SORCS2: variants seen among roughly 807,000 people sequenced by gnomAD.
SORCS2 encodes sortilin related VPS10 domain containing receptor 2, also known as VPS10 domain-containing receptor SorCS2.
SORCS2 carries 100 observed loss-of-function variants against 141.6 expected under a neutral mutation model. The observed-to-expected ratio is 0.71, with a 90% confidence interval of 0.60 to 0.83. The LOEUF is 0.83. Ranked by LOEUF, SORCS2 falls within the 40% of genes least tolerant of loss-of-function variation. The pLI, the probability that SORCS2 is intolerant of heterozygous loss-of-function variation, is 0.00. For synonymous variants in SORCS2, 789 were observed against 676.9 expected, an observed-to-expected ratio of 1.17 and a Z score of -2.57; for missense variants, 1,646 against 1,560.2, an observed-to-expected ratio of 1.05 and a Z score of -0.93.
intron 23 of SORCS2, among the ~76,000 whole-genome samples, chr4:7,730,353 T>C (rs1711566123): frequency 6.6e-6 from 1 of 152,212 alleles, no homozygotes; most frequent in Admixed American, 6.5e-5. Context: ...CAAAACGGGC[T>C]GGAAATTCCT....
intron 1 of SORCS2, among the ~76,000 whole-genome samples, chr4:7,211,088 A>G (rs1401958849): frequency 6.6e-6 from 1 of 152,138 alleles, no homozygotes; most frequent in African/African-American, 2.4e-5. Flanking sequence ...GCATTTTTGC[A>G]TTTTTTTCTT....
At chr4:7,341,184 A>G (rs908971614) in intron 1 of SORCS2, among the ~76,000 whole-genome samples, 1 of 152,244 alleles carries the variant, frequency 6.6e-6, no homozygotes, top group South Asian at 2.1e-4. Flanking sequence ...GGATGGAAGC[A>G]TATCAGTGGT....
chr4:7,717,035 C>T (rs1336427572), intron 17 of SORCS2, among the ~76,000 whole-genome samples: 2 of 152,234 alleles, frequency 1.3e-5, no homozygotes, highest in Non-Finnish European at 2.9e-5. Context: ...ACAGGTACCC[C>T]CAGCACCTTG....
chr4:7,295,872 A>G (rs770625690), intron 1 of SORCS2, among the ~76,000 whole-genome samples: 38 of 152,328 alleles, frequency 2.5e-4, no homozygotes, highest in Non-Finnish European at 4.6e-4. Flanking sequence ...CCCAGCACAC[A>G]GTAGGTGATC....
chr4:7,261,302 G>A (rs80261835), intron 1 of SORCS2, among the ~76,000 whole-genome samples: 8 of 152,200 alleles, frequency 5.3e-5, no homozygotes, highest in African/African-American at 1.9e-4. Flanking sequence ...GGGAAGAGAC[G>A]GGTCTCCCAG....
intron 14 of SORCS2, among the ~76,000 whole-genome samples, chr4:7,708,775 G>A (rs11941886): frequency 0.37 from 56,844 of 152,072 alleles, 10,830 homozygotes; most frequent in East Asian, 0.49. Context: ...TTATTCCTCC[G>A]TTTTTAGAGG....
intron 1 of SORCS2, among the ~76,000 whole-genome samples, chr4:7,290,669 G>C (rs1252988373): frequency 6.6e-6 from 1 of 152,200 alleles, no homozygotes; most frequent in Non-Finnish European, 1.5e-5. Context: ...CCTCATCCAT[G>C]TATGCACACA....
At chr4:7,271,862 G>C (rs534628434) in intron 1 of SORCS2, among the ~76,000 whole-genome samples, 1 of 152,350 alleles carries the variant, frequency 6.6e-6, no homozygotes, top group South Asian at 2.1e-4. Context: ...GGAAGGATGG[G>C]CCCTGGATGG....
chr4:7,715,242 A>G lies in SORCS2; in HGVS notation c.2183A>G (p.Asn728Ser). 1.2e-6 allele frequency: 2 copies of G among 1,613,902 alleles called. No homozygotes were observed. Among genetic ancestry groups the G allele is most frequent in the Admixed American group, 1.7e-5 (1 of 60,024 alleles). Residue 728 changes from asparagine to serine, a missense_variant, in exon 17 of 27, where the codon AAC becomes AGC. By Grantham distance (46) the Asn-to-Ser change is conservative. Transcript: ENST00000507866. ...SESSTNKCSA[N>S]FWFNPLSPPD... ...TCCAGCACCAACAAGTGCTCTGCCA[A>G]CTTCTGGTTTAACCCATTGTCCCCG... is the stretch of plus-strand genomic sequence containing the variant.
chr4:7,546,883 G>A (rs1713302846), intron 3 of SORCS2, among the ~76,000 whole-genome samples: 1 of 152,204 alleles, frequency 6.6e-6, no homozygotes, highest in African/African-American at 2.4e-5. Context: ...TATCCCTTGT[G>A]CAGTAGGGAC....
intron 10 of SORCS2, 54 bp from the exon 11 acceptor site, chr4:7,689,432 C>T: frequency 6.6e-7 from 1 of 1,519,818 alleles, no homozygotes; most frequent in Non-Finnish European, 8.9e-7. Flanking sequence ...CTTAGTTTTC[C>T]TAAGGATGCT....
intron 1 of SORCS2, among the ~76,000 whole-genome samples, chr4:7,284,143 G>T (rs1390157112): frequency 3.9e-5 from 6 of 152,048 alleles, no homozygotes; most frequent in Non-Finnish European, 2.9e-5. Context: ...GCAGGACCGC[G>T]CCCCCTTCAC....
At chr4:7,451,605 G>A (rs1253725950) in intron 2 of SORCS2, among the ~76,000 whole-genome samples, 2 of 152,274 alleles carry the variant, frequency 1.3e-5, no homozygotes, top group South Asian at 2.1e-4. Flanking sequence ...GGCACACAGG[G>A]CAGGGCAAGC....
chr4:7,695,291 G>GA (rs1724528465), intron 11 of SORCS2, among the ~76,000 whole-genome samples: 3 of 102,566 alleles, frequency 2.9e-5, no homozygotes, highest in Admixed American at 1.0e-4. Flanking sequence ...TGGATGGATG[G>GA]TTGGATGGGT....
intron 3 of SORCS2, among the ~76,000 whole-genome samples, chr4:7,631,277 G>A (rs1221545810): frequency 6.6e-6 from 1 of 151,422 alleles, no homozygotes; most frequent in East Asian, 2.0e-4. Flanking sequence ...TGACAAGCAG[G>A]TCCAAGCAGG....
At chr4:7,403,997 A>ATATATATATATATATATATATTTTTT (rs1265288820) in intron 2 of SORCS2, among the ~76,000 whole-genome samples, 1 of 19,006 alleles carries the variant, frequency 5.3e-5, no homozygotes, top group Non-Finnish European at 1.2e-4. Flanking sequence ...ATATATATAT[A>ATATATATATATATATATATATTTTTT]TTTTTTTTTT....
intron 1 of SORCS2, among the ~76,000 whole-genome samples, chr4:7,352,280 C>T (rs955846889): frequency 7.9e-5 from 12 of 152,160 alleles, no homozygotes; most frequent in East Asian, 1.9e-4. Context: ...AGGTGCCTGG[C>T]GTATTGTAGG....
chr4:7,433,222 A>C, intron 2 of SORCS2: 10 of 1,278,858 alleles, frequency 7.8e-6, no homozygotes, highest in African/African-American at 1.5e-5. Context: ...CTCCCTCCTC[A>C]GAGCTTCAGT....
chr4:7,308,669 C>T (rs1160254309), intron 1 of SORCS2, among the ~76,000 whole-genome samples: 1 of 152,104 alleles, frequency 6.6e-6, no homozygotes, highest in Non-Finnish European at 1.5e-5. Flanking sequence ...TTGCCCACCC[C>T]ACACATCTCT....
Sources: allele counts gnomAD v4.1 joint callset (sites outside exome capture counted in the v4.1 genomes callset), GRCh38; gene constraint gnomAD v4.1.1; transcripts MANE v1.5; gene names NCBI Gene and HGNC (gene_info 2026-07-23, HGNC 2026-07-21).